Variants in MYEF2 observed in about 807,000 individuals in gnomAD.
The protein encoded by MYEF2 is myelin expression factor 2.
In MYEF2, 37 loss-of-function variants were observed where a neutral mutation model predicts 75.2. The ratio of observed to expected loss-of-function variants is 0.49; its 90% CI spans 0.38 to 0.65. The LOEUF is 0.65. Among genes scored for constraint, MYEF2 ranks in the 30% least tolerant of loss-of-function variants. MYEF2 has a pLI of 0.00. For synonymous variants in MYEF2, 195 were observed against 241.6 expected (o/e 0.81, Z 1.79); for missense variants, 634 against 771.4 (o/e 0.82, Z 2.11).
Position 48,137,166 on chromosome 15 carries a change from C to A in MYEF2, c.*5742G>T. ...TAGCTAAAGTATGAACGTTAAGTAC[C>A]ATAAAAAGAGAAAAATAAAGTGTGA... On this transcript the variant is annotated 3_prime_UTR_variant, in exon 17 of 17. Coordinates refer to ENST00000324324, the MANE Select transcript of MYEF2 (RefSeq NM_016132.5). 1 of 526,818 alleles carries A rather than the reference C, an allele frequency of 1.9e-6. No individual in the cohort carries two copies. The highest frequency in any genetic ancestry group is 3.2e-6 in the Non-Finnish European group (1 of 312,776). 32.6% of individuals were successfully genotyped at this position (526,818 alleles called of 1,614,324 possible).
In MYEF2 at chr15:48,135,385, G is replaced by A. The variant is rs1234951445; in HGVS notation, c.*7523C>T. 6.5e-6 allele frequency: 1 copy of A among 154,798 alleles called. No homozygotes were observed. The highest frequency in any genetic ancestry group is 2.4e-5 in the African/African-American group (1 of 41,500). 9.6% of individuals were successfully genotyped at this position (154,798 alleles called of 1,614,324 possible). A position where few individuals can be genotyped will look rare whatever the true frequency, so the allele number is the denominator to read the frequency against. On this transcript the variant is annotated 3_prime_UTR_variant, in exon 17 of 17. Coordinates refer to ENST00000324324, the MANE Select transcript of MYEF2 (RefSeq NM_016132.5). Reference sequence around the variant, plus strand: ...AAAAGACTGGAGAAGGATGGTAGAGGAAGTAAAAGAAGTCTTTTTAAATTC... The same window carrying A: ...AAAAGACTGGAGAAGGATGGTAGAGAAAGTAAAAGAAGTCTTTTTAAATTC...
In MYEF2 at chr15:48,137,689, G is replaced by C. The variant is rs1322442998; in HGVS notation, c.*5219C>G. 6 of 152,044 alleles carry C rather than the reference G, an allele frequency of 3.9e-5. No homozygotes were observed. The highest frequency in any genetic ancestry group is 1.4e-4 in the African/African-American group (6 of 41,414). 9.4% of individuals were successfully genotyped at this position (152,044 alleles called of 1,614,324 possible). ...GGAAGCATCACCAAGACTATATGGG[G>C]CCAGAAAAAGGAACAAAGACACCTC... On this transcript the variant is annotated 3_prime_UTR_variant, in exon 17 of 17. Transcript: ENST00000324324.
Position 48,151,166 on chromosome 15 carries a change from C to T in MYEF2, c.1312G>A (p.Ala438Thr). 1 of 1,608,970 alleles carries T rather than the reference C, an allele frequency of 6.2e-7. No homozygotes were observed. The highest frequency in any genetic ancestry group is 8.5e-7 in the Non-Finnish European group (1 of 1,176,820). ...CTTCCTGCAAACCCTCCAATCATTGCACTGCCTAAACAAGGATGGAAAGAT... is the reference window on the plus strand; with the variant it reads ...CTTCCTGCAAACCCTCCAATCATTGTACTGCCTAAACAAGGATGGAAAGAT... ...FGDSFGRLGS[A>T]MIGGFAGRIG... Residue 438 changes from alanine (A) to threonine (T), a missense_variant, in exon 14 of 17, where the codon GCA becomes ACA. Coordinates refer to ENST00000324324, the MANE Select transcript of MYEF2 (RefSeq NM_016132.5).
Position 48,152,251 on chromosome 15 carries a change from A to T in MYEF2, c.1121T>A (p.Met374Lys). The change falls in exon 11 of 17, where the codon ATG becomes AAG. Residue 374 changes from methionine (M) to lysine (K), a missense_variant. Physicochemically the swap from Met to Lys is moderately conservative, Grantham distance 95 (BLOSUM62 -1). Coordinates refer to ENST00000324324, the MANE Select transcript of MYEF2 (RefSeq NM_016132.5). ...ATACATACCTCCTCCAATTCTATTC[A>T]TTCCTCCAAAACCTGGACCATCCAT... ...MGMDGPGFGG[M>K]NRIGGGIGFG... 6.2e-7 allele frequency: 1 copy of T among 1,611,984 alleles called. No homozygotes were observed. The highest frequency in any genetic ancestry group is 8.5e-7 in the Non-Finnish European group (1 of 1,178,390).
At chr15:48,146,193 T>G (rs1204920170) in intron 16 of MYEF2, among the ~76,000 whole-genome samples, 1 of 152,038 alleles carries the variant, frequency 6.6e-6, no homozygotes, top group Non-Finnish European at 1.5e-5. Context: ...TAAAAGACTA[T>G]GCCCATTTGA....
At chr15:48,170,132 T>G (rs188956732) in intron 1 of MYEF2, among the ~76,000 whole-genome samples, 1 of 152,164 alleles carries the variant, frequency 6.6e-6, no homozygotes, top group Admixed American at 6.5e-5. Context: ...GTTGTTGTTG[T>G]TGTTGTTGTT....
At position 48,136,017 on chromosome 15, in the gene MYEF2, G is replaced by A. The variant is rs1362056093; in HGVS notation, c.*6891C>T. ...CACTGGCTATAAAAGGTAAATGCAAGGTTCAAATGTGATGGCATTAGCTAA... is the reference window on the plus strand; with the variant it reads ...CACTGGCTATAAAAGGTAAATGCAAAGTTCAAATGTGATGGCATTAGCTAA... On this transcript the variant is annotated 3_prime_UTR_variant, in exon 17 of 17. Transcript: ENST00000324324. The A allele has an allele frequency of 6.6e-6, 1 of 152,144 alleles. No homozygotes were observed. Among genetic ancestry groups the A allele is most frequent in the Non-Finnish European group, 1.5e-5 (1 of 68,016 alleles). 9.4% of individuals were successfully genotyped at this position (152,144 alleles called of 1,614,324 possible).
At chr15:48,152,520 A>G in intron 10 of MYEF2, 1 of 431,044 alleles carries the variant, frequency 2.3e-6, no homozygotes, top group South Asian at 6.2e-5. Context: ...ATTCACTAGT[A>G]ACACCCACAA....
At chr15:48,172,989 A>C (rs2040395047) in intron 1 of MYEF2, among the ~76,000 whole-genome samples, 1 of 152,196 alleles carries the variant, frequency 6.6e-6, no homozygotes, top group Admixed American at 6.5e-5. Flanking sequence ...AGTCTTTCAA[A>C]TCATTTTATA....
At position 48,142,828 on chromosome 15, in the gene MYEF2, A is replaced by G. The variant is rs2039134126; in HGVS notation, c.*80T>C. The G allele has an allele frequency of 3.7e-6, 5 of 1,341,446 alleles. No homozygotes were observed. Among genetic ancestry groups the G allele is most frequent in the Admixed American group, 2.6e-5 (1 of 38,584 alleles). The allele number at this position is 1,341,446 out of a possible 1,614,324, so 83.1% of individuals were successfully genotyped here. On this transcript the variant is annotated 3_prime_UTR_variant, in exon 17 of 17. Transcript: ENST00000324324. ...TCATTTTTACAGCTTTTGTAAGCATACAATATTACTTTAAAAAAATGACTT... is the reference window on the plus strand; with the variant it reads ...TCATTTTTACAGCTTTTGTAAGCATGCAATATTACTTTAAAAAAATGACTT...
intron 1 of MYEF2, 66 bp downstream of exon 1, chr15:48,178,011 C>G: frequency 6.5e-7 from 1 of 1,531,922 alleles, no homozygotes; most frequent in Non-Finnish European, 8.8e-7. Context: ...CACAGCCCGG[C>G]CTCTAGCCGC....
In MYEF2 at chr15:48,136,191, A is replaced by G. The variant is rs984946695; in HGVS notation, c.*6717T>C. 1.3e-5 allele frequency: 2 copies of G among 152,132 alleles called. No individual in the cohort carries two copies. The highest frequency in any genetic ancestry group is 4.8e-5 in the African/African-American group (2 of 41,420). The allele number at this position is 152,132 out of a possible 1,614,324, so 9.4% of individuals were successfully genotyped here. A position where few individuals can be genotyped will look rare whatever the true frequency, so the allele number is the denominator to read the frequency against. On this transcript the variant is annotated 3_prime_UTR_variant, in exon 17 of 17. Coordinates refer to ENST00000324324, the MANE Select transcript of MYEF2 (RefSeq NM_016132.5). ...TGACAAACTGAAAAATCCCAGCCTAAGCCTCCCATATCTGAGTAATATTTT... is the reference window on the plus strand; with the variant it reads ...TGACAAACTGAAAAATCCCAGCCTAGGCCTCCCATATCTGAGTAATATTTT...
In MYEF2 at chr15:48,141,925, C is replaced by A; in HGVS notation, c.*983G>T. On this transcript the variant is annotated 3_prime_UTR_variant, in exon 17 of 17. Transcript: ENST00000324324. ...TTGCTCTAACAACAATTTTTCAAAA[C>A]GAATCAACAACAAAAAAGTATCCAG... is the stretch of plus-strand genomic sequence containing the variant. 2.3e-6 allele frequency: 2 copies of A among 885,202 alleles called. No homozygotes were observed. Among genetic ancestry groups the A allele is most frequent in the Non-Finnish European group, 3.3e-6 (2 of 608,810 alleles). The allele number at this position is 885,202 out of a possible 1,614,324, so 54.8% of individuals were successfully genotyped here.
chr15:48,175,732 C>G (rs1250526395), intron 1 of MYEF2, among the ~76,000 whole-genome samples: 2 of 152,054 alleles, frequency 1.3e-5, no homozygotes. Flanking sequence ...TCTACCTACT[C>G]CAAAGTTATA....
chr15:48,168,609 G>C (rs2040215062), intron 2 of MYEF2, 22 bp downstream of exon 2: 2 of 1,578,932 alleles, frequency 1.3e-6, no homozygotes, highest in Non-Finnish European at 1.7e-6. Flanking sequence ...ATCCAACAGT[G>C]GGTTATTTCA....
chr15:48,139,269 T>A lies in MYEF2; in HGVS notation c.*3639A>T, dbSNP rs2038981961. On this transcript the variant is annotated 3_prime_UTR_variant, in exon 17 of 17. Coordinates refer to ENST00000324324, the MANE Select transcript of MYEF2 (RefSeq NM_016132.5). ...CAAAGTAGTCTAGCTACACAGCAAA[T>A]TTCTTTTCAGCAAGATTGAAGATTA... is the stretch of plus-strand genomic sequence containing the variant. 4 of 1,042,056 alleles carry A rather than the reference T, an allele frequency of 3.8e-6. No homozygotes were observed. In the South Asian group the frequency reaches 6.1e-5, roughly 16 times the overall value. The allele number at this position is 1,042,056 out of a possible 1,614,324, so 64.6% of individuals were successfully genotyped here. A position where few individuals can be genotyped will look rare whatever the true frequency, so the allele number is the denominator to read the frequency against.
intron 16 of MYEF2, among the ~76,000 whole-genome samples, chr15:48,148,200 G>T (rs891310301): frequency 6.6e-6 from 1 of 151,768 alleles, no homozygotes; most frequent in Non-Finnish European, 1.5e-5. Context: ...GACTACAGTC[G>T]CTGAGATTCC....
chr15:48,136,776 C>T lies in MYEF2; in HGVS notation c.*6132G>A. ...TTAACCAATATATTATAAAGAAATG[C>T]AGTCCTTGCTGCGCCTGTCTTGCCA... On this transcript the variant is annotated 3_prime_UTR_variant, in exon 17 of 17. Coordinates refer to ENST00000324324, the MANE Select transcript of MYEF2 (RefSeq NM_016132.5). 1 of 1,613,638 alleles carries T rather than the reference C, an allele frequency of 6.2e-7. No individual in the cohort carries two copies. Among genetic ancestry groups the T allele is most frequent in the Non-Finnish European group, 8.5e-7 (1 of 1,179,814 alleles).
Position 48,136,848 on chromosome 15 carries a change from T to C in MYEF2, c.*6060A>G. On this transcript the variant is annotated 3_prime_UTR_variant, in exon 17 of 17. Coordinates refer to ENST00000324324, the MANE Select transcript of MYEF2 (RefSeq NM_016132.5). The stretch of plus-strand genomic sequence containing the variant: ...AACAGCCACTGATGGGCTGGGAAGA[T>C]GAAGGTCAACCATTCATTCGTCGGC... The C allele has an allele frequency of 3.1e-6, 5 of 1,613,784 alleles. No homozygotes were observed. Among genetic ancestry groups the C allele is most frequent in the Non-Finnish European group, 3.4e-6 (4 of 1,179,800 alleles).
Sources: allele counts gnomAD v4.1 joint callset (sites outside exome capture counted in the v4.1 genomes callset), GRCh38; gene constraint gnomAD v4.1.1; transcripts MANE v1.5; gene names NCBI Gene and HGNC (gene_info 2026-07-23, HGNC 2026-07-21).